Variants in GNL1 observed in about 807,000 individuals in gnomAD.
The protein encoded by GNL1 is guanine nucleotide-binding protein-like 1.
In GNL1, 21 loss-of-function variants were observed where a neutral mutation model predicts 75.2. That is an observed-to-expected ratio of 0.28 (90% CI 0.20 to 0.40). GNL1 has a LOEUF of 0.40. Among genes scored for constraint, GNL1 ranks in the 10% least tolerant of loss-of-function variants. GNL1 has a pLI of 1.00. For synonymous variants in GNL1, 287 were observed against 303.4 expected (o/e 0.95, Z 0.56); for missense variants, 579 against 775.0 (o/e 0.75, Z 3.00).
Position 30,547,474 on chromosome 6 carries a change from C to T in GNL1, c.1156G>A (p.Val386Met), listed in dbSNP as rs770047746. 10 of 1,613,336 alleles carry T rather than the reference C, an allele frequency of 6.2e-6. No individual in the cohort carries two copies. The Admixed American group carries it at 6.7e-5, about 11-fold the overall frequency. Reference protein sequence around the residue: ...LINGLVGRKVVSVSRTPGHTR... With the variant: ...LINGLVGRKVMSVSRTPGHTR... ...TGGCCCGGGGTTCTGGAGACACTCA[C>T]GACTTTCCGCCCCACCAGCCCATTG... is the stretch of plus-strand genomic sequence containing the variant. The change falls in exon 9 of 12, where the codon GTG becomes ATG. Residue 386 changes from valine to methionine, a missense_variant. Val to Met is a conservative substitution (Grantham distance 21). Transcript: ENST00000376621. The surrounding 1 kb of genome is among the most constrained non-coding windows in gnomAD (Gnocchi z 5.5).
intron 4 of GNL1, 45 bp downstream of exon 4, chr6:30,554,719 C>T: frequency 6.2e-7 from 1 of 1,606,956 alleles, no homozygotes; most frequent in Non-Finnish European, 8.5e-7. Flanking sequence ...CCAATTTGAC[C>T]ATAGGTCACT....
Position 30,546,599 on chromosome 6 carries a change from T to C in GNL1, c.1582+97A>G. On this transcript the variant is annotated intron_variant, in intron 11 of 11. Coordinates refer to ENST00000376621, the MANE Select transcript of GNL1 (RefSeq NM_005275.5). This position sits in a 1 kb window ranked among gnomAD's most constrained non-coding sequence, Gnocchi z 5.1. ...TTAAGTAACAGAGCTAGCCAACAGG[T>C]ACAGAATCCAGGTTTGACCCTCTCT... 1 of 999,910 alleles carries C rather than the reference T, an allele frequency of 1.0e-6. No homozygotes were observed. The highest frequency in any genetic ancestry group is 1.6e-5 in the South Asian group (1 of 64,434). The allele number at this position is 999,910 out of a possible 1,614,324, so 61.9% of individuals were successfully genotyped here. A position where few individuals can be genotyped will look rare whatever the true frequency, so the allele number is the denominator to read the frequency against.
intron 6 of GNL1, 33 bp downstream of exon 6, chr6:30,553,317 C>A: frequency 1.3e-6 from 2 of 1,569,458 alleles, no homozygotes; most frequent in Non-Finnish European, 1.8e-6. Context: ...CAACTCACCT[C>A]TCCCAAGTTG....
Position 30,555,850 on chromosome 6 carries a change from T to C in GNL1, c.74-130A>G. ...ATGTTCAGTCCTCCCAGACACCCTA[T>C]TTGGGACCCTCCCGGATGTGCGTGG... On this transcript the variant is annotated intron_variant, in intron 1 of 11. Transcript: ENST00000376621. This position sits in a 1 kb window ranked among gnomAD's most constrained non-coding sequence, Gnocchi z 4.3. The C allele has an allele frequency of 1.9e-6, 2 of 1,027,078 alleles. No individual in the cohort carries two copies. The highest frequency in any genetic ancestry group is 2.9e-6 in the Non-Finnish European group (2 of 700,970). The allele number at this position is 1,027,078 out of a possible 1,614,324, so 63.6% of individuals were successfully genotyped here.
Position 30,541,896 on chromosome 6 carries a change from G to A in GNL1, c.*4176C>T, listed in dbSNP as rs1799189277. ...CTGCCTGAGGGCACTCCCCTCACTG[G>A]GACTCTCAGTACCACGCCCACCTGT... On this transcript the variant is annotated 3_prime_UTR_variant, in exon 12 of 12. Coordinates refer to ENST00000376621, the MANE Select transcript of GNL1 (RefSeq NM_005275.5). 1 of 152,030 alleles carries A rather than the reference G, an allele frequency of 6.6e-6. No homozygotes were observed. The highest frequency in any genetic ancestry group is 1.9e-4 in the East Asian group (1 of 5,166). The allele number at this position is 152,030 out of a possible 1,614,324, so 9.4% of individuals were successfully genotyped here.
rs931114352 is a variant in GNL1 at position 30,556,055 on chromosome 6, G to A, written c.73+76C>T. The stretch of plus-strand genomic sequence containing the variant: ...ACGACCCCCTCCCACGATCCCCAGA[G>A]GTGCAGCGGGCACACCCCTCCTTCC... On this transcript the variant is annotated intron_variant, in intron 1 of 11. Coordinates refer to ENST00000376621, the MANE Select transcript of GNL1 (RefSeq NM_005275.5). This position sits in a 1 kb window ranked among gnomAD's most constrained non-coding sequence, Gnocchi z 5.7. 3 of 1,550,564 alleles carry A rather than the reference G, an allele frequency of 1.9e-6. No individual in the cohort carries two copies. Among genetic ancestry groups the A allele is most frequent in the Non-Finnish European group, 2.6e-6 (3 of 1,136,990 alleles).
rs1233301256 is a variant in GNL1, at chr6:30,541,767, A to G, written c.*4305T>C. ...TGCATATTGCAGTTACTCGTATATT[A>G]CTGACACTGGAACAGACATGTTTTA... is the stretch of plus-strand genomic sequence containing the variant. On this transcript the variant is annotated 3_prime_UTR_variant, in exon 12 of 12. Coordinates refer to ENST00000376621, the MANE Select transcript of GNL1 (RefSeq NM_005275.5). 6.6e-6 allele frequency: 1 copy of G among 152,344 alleles called. No homozygotes were observed. Among genetic ancestry groups the G allele is most frequent in the South Asian group, 2.1e-4 (1 of 4,830 alleles). 9.4% of individuals were successfully genotyped at this position (152,344 alleles called of 1,614,324 possible). A position where few individuals can be genotyped will look rare whatever the true frequency, so the allele number is the denominator to read the frequency against.
chr6:30,546,586 G>C lies in GNL1; in HGVS notation c.1582+110C>G, dbSNP rs367572778. ...AATATCACAGATGTTAAGTAACAGA[G>C]CTAGCCAACAGGTACAGAATCCAGG... On this transcript the variant is annotated intron_variant, in intron 11 of 11. Coordinates refer to ENST00000376621, the MANE Select transcript of GNL1 (RefSeq NM_005275.5). This position sits in a 1 kb window ranked among gnomAD's most constrained non-coding sequence, Gnocchi z 5.1. 238 of 886,388 alleles carry C rather than the reference G, an allele frequency of 2.7e-4. 3 individuals are homozygous for C. The South Asian group carries it at 3.1e-3, about 12-fold the overall frequency. 54.9% of individuals were successfully genotyped at this position (886,388 alleles called of 1,614,324 possible).
At position 30,545,207 on chromosome 6, in the gene GNL1, C is replaced by T. The variant is rs144115156; in HGVS notation, c.*865G>A. The T allele has an allele frequency of 8.5e-5, 13 of 152,292 alleles. No homozygotes were observed. Among genetic ancestry groups the T allele is most frequent in the South Asian group, 2.1e-4 (1 of 4,828 alleles). 9.4% of individuals were successfully genotyped at this position (152,292 alleles called of 1,614,324 possible). The stretch of plus-strand genomic sequence containing the variant: ...ACCTCAAATACTCGTAGCTGCCAAG[C>T]TTTTAAACAATGAAACTTAACACTG... On this transcript the variant is annotated 3_prime_UTR_variant, in exon 12 of 12. Coordinates refer to ENST00000376621, the MANE Select transcript of GNL1 (RefSeq NM_005275.5).
chr6:30,555,773 G>A lies in GNL1; in HGVS notation c.74-53C>T, dbSNP rs1800125160. On this transcript the variant is annotated intron_variant, in intron 1 of 11. Transcript: ENST00000376621. This position sits in a 1 kb window ranked among gnomAD's most constrained non-coding sequence, Gnocchi z 4.3. The stretch of plus-strand genomic sequence containing the variant: ...GCTGGCCAGCTCTCAGGGGCCATAA[G>A]ACCCTCTCCCCCATCGGCCTGACTC... The A allele has an allele frequency of 6.4e-7, 1 of 1,570,562 alleles. No homozygotes were observed. The highest frequency in any genetic ancestry group is 8.7e-7 in the Non-Finnish European group (1 of 1,146,504).
In GNL1 at chr6:30,552,965, C is replaced by T. The variant is rs906238338; in HGVS notation, c.904+119G>A. On this transcript the variant is annotated intron_variant, in intron 7 of 11. Coordinates refer to ENST00000376621, the MANE Select transcript of GNL1 (RefSeq NM_005275.5). This position sits in a 1 kb window ranked among gnomAD's most constrained non-coding sequence, Gnocchi z 4.5. ...GTCTGCTCCTTATTCTGTCCCTTCC[C>T]CTGGCCTCTTGCACATATCCACCAT... is the stretch of plus-strand genomic sequence containing the variant. The T allele has an allele frequency of 5.3e-6, 4 of 759,584 alleles. No homozygotes were observed. The highest frequency in any genetic ancestry group is 2.3e-5 in the Admixed American group (1 of 44,098). The allele number at this position is 759,584 out of a possible 1,614,324, so 47.1% of individuals were successfully genotyped here. A position where few individuals can be genotyped will look rare whatever the true frequency, so the allele number is the denominator to read the frequency against.
intron 8 of GNL1, among the ~76,000 whole-genome samples, chr6:30,551,938 C>T (rs562566387): frequency 6.6e-6 from 1 of 152,248 alleles, no homozygotes; most frequent in Non-Finnish European, 1.5e-5. Flanking sequence ...TCATAGCTCA[C>T]TGCAGCCTTG....
At position 30,555,407 on chromosome 6, in the gene GNL1, T is replaced by C. The variant is rs1800085228; in HGVS notation, c.239+148A>G. On this transcript the variant is annotated intron_variant, in intron 2 of 11. Coordinates refer to ENST00000376621, the MANE Select transcript of GNL1 (RefSeq NM_005275.5). This position sits in a 1 kb window ranked among gnomAD's most constrained non-coding sequence, Gnocchi z 4.3. ...CTCCAGCCCCTCTGGAAAGGAAGAC[T>C]GTGGCCCGCTGTGGGGAGCCGAGTG... The C allele has an allele frequency of 4.1e-6, 4 of 968,334 alleles. No individual in the cohort carries two copies. The South Asian group carries it at 6.2e-5, about 15-fold the overall frequency. 60.0% of individuals were successfully genotyped at this position (968,334 alleles called of 1,614,324 possible). A position where few individuals can be genotyped will look rare whatever the true frequency, so the allele number is the denominator to read the frequency against.
chr6:30,546,830 G>C lies in GNL1; in HGVS notation c.1448C>G (p.Ala483Gly). Residue 483 changes from alanine (A) to glycine (G), a missense_variant, in exon 11 of 12, where the codon GCA becomes GGA. Transcript: ENST00000376621. This position sits in a 1 kb window ranked among gnomAD's most constrained non-coding sequence, Gnocchi z 5.1. Reference protein sequence around the residue: ...WCAWDICEAWAEKRGYKTAKA... With the variant: ...WCAWDICEAWGEKRGYKTAKA... ...GGCTGTCTTGTAACCACGTTTCTCT[G>C]CCCAGGCTGGAGGAAGAAAAGAATA... is the stretch of plus-strand genomic sequence containing the variant. 1.3e-6 allele frequency: 2 copies of C among 1,586,508 alleles called. No homozygotes were observed. Among genetic ancestry groups the C allele is most frequent in the Non-Finnish European group, 1.7e-6 (2 of 1,162,050 alleles).
chr6:30,544,674 G>A lies in GNL1; in HGVS notation c.*1398C>T, dbSNP rs1799351834. The A allele has an allele frequency of 6.6e-6, 1 of 152,174 alleles. No homozygotes were observed. Among genetic ancestry groups the A allele is most frequent in the Non-Finnish European group, 1.5e-5 (1 of 68,038 alleles). The allele number at this position is 152,174 out of a possible 1,614,324, so 9.4% of individuals were successfully genotyped here. On this transcript the variant is annotated 3_prime_UTR_variant, in exon 12 of 12. Transcript: ENST00000376621. ...GAATTCCAGGAGTTATGTCCACACTGAGACCAATGGAGATGAACCTAAAGC... is the reference window on the plus strand; with the variant it reads ...GAATTCCAGGAGTTATGTCCACACTAAGACCAATGGAGATGAACCTAAAGC...
rs1040658332 is a variant in GNL1 at position 30,547,348 on chromosome 6, A to G, written c.1278+4T>C. 2.5e-6 allele frequency: 4 copies of G among 1,598,632 alleles called. No individual in the cohort carries two copies. The highest frequency in any genetic ancestry group is 3.4e-6 in the Non-Finnish European group (4 of 1,171,846). On this transcript the variant is annotated splice_donor_region_variant and intron_variant, in intron 9 of 11. Coordinates refer to ENST00000376621, the MANE Select transcript of GNL1 (RefSeq NM_005275.5). This position sits in a 1 kb window ranked among gnomAD's most constrained non-coding sequence, Gnocchi z 5.5. Reference sequence around the variant, plus strand: ...CTTTCCCTTACCCACCCTCCCCGTCATACCTGCAACTGCCTAGGCAGAAGA... The same window carrying G: ...CTTTCCCTTACCCACCCTCCCCGTCGTACCTGCAACTGCCTAGGCAGAAGA...
Position 30,555,789 on chromosome 6 carries a change from G to C in GNL1, c.74-69C>G. On this transcript the variant is annotated intron_variant, in intron 1 of 11. Coordinates refer to ENST00000376621, the MANE Select transcript of GNL1 (RefSeq NM_005275.5). The surrounding 1 kb of genome is among the most constrained non-coding windows in gnomAD (Gnocchi z 4.3). ...GGGCCATAAGACCCTCTCCCCCATC[G>C]GCCTGACTCCCTTTCATCCCACTCA... 1 of 1,487,962 alleles carries C rather than the reference G, an allele frequency of 6.7e-7. No individual in the cohort carries two copies. Among genetic ancestry groups the C allele is most frequent in the Non-Finnish European group, 9.3e-7 (1 of 1,079,670 alleles). The allele number at this position is 1,487,962 out of a possible 1,614,324, so 92.2% of individuals were successfully genotyped here.
chr6:30,553,533 A>T lies in GNL1; in HGVS notation c.625T>A (p.Tyr209Asn). The T allele has an allele frequency of 6.2e-7, 1 of 1,612,758 alleles. No homozygotes were observed. The highest frequency in any genetic ancestry group is 2.2e-5 in the East Asian group (1 of 44,884). The change falls in exon 6 of 12, where the codon TAT becomes AAT. Residue 209 changes from tyrosine to asparagine, a missense_variant. Physicochemically the swap from Tyr to Asn is moderately radical, Grantham distance 143. Transcript: ENST00000376621. The stretch of plus-strand genomic sequence containing the variant: ...CCAAGTTCTCCAGTCACATACTCAT[A>T]AAGTGCTGGCGGGAAATTCACAACC... ...HPVVNFPPAL[Y>N]EYVTGELGLA... is the part of the protein sequence containing the mutation.
intron 8 of GNL1, among the ~76,000 whole-genome samples, chr6:30,550,312 C>A (rs1799693936): frequency 6.6e-6 from 1 of 152,174 alleles, no homozygotes; most frequent in Non-Finnish European, 1.5e-5. Flanking sequence ...CCCCTCTCCT[C>A]CCCAAAGCCT....
Sources: allele counts gnomAD v4.1 joint callset (sites outside exome capture counted in the v4.1 genomes callset), GRCh38; gene constraint gnomAD v4.1.1; non-coding constraint Gnocchi (gnomAD v3.1); transcripts MANE v1.5; gene names NCBI Gene and HGNC (gene_info 2026-07-23, HGNC 2026-07-21).